Variants in CCDC112 observed in about 807,000 individuals in gnomAD.
CCDC112 encodes the protein coiled-coil domain-containing protein 112.
A neutral mutation model predicts 66.3 loss-of-function variants in CCDC112; 40 were observed. The observed-to-expected ratio is 0.60, with a 90% confidence interval of 0.47 to 0.79. CCDC112 has a LOEUF of 0.79. Ranked by LOEUF, CCDC112 falls within the 30% of genes least tolerant of loss-of-function variation. The pLI is 0.00. For synonymous variants in CCDC112, 214 were observed against 197.2 expected (o/e 1.09, Z -0.71); for missense variants, 659 against 603.8 (o/e 1.09, Z -0.96).
intron 2 of CCDC112, 128 bp from the exon 3 acceptor site, chr5:115,279,896 T>C: frequency 1.7e-6 from 1 of 597,248 alleles, no homozygotes; most frequent in South Asian, 2.5e-5. Flanking sequence ...AAATAATTAC[T>C]TTGGTTAATA....
chr5:115,287,696 C>CTTTT (rs778702533), intron 1 of CCDC112, among the ~76,000 whole-genome samples: 14 of 84,718 alleles, frequency 1.7e-4, no homozygotes, highest in East Asian at 3.7e-4. Context: ...ATCCCCTTTC[C>CTTTT]TTTTTTTTTT....
intron 2 of CCDC112, among the ~76,000 whole-genome samples, chr5:115,283,718 A>G (rs1046990679): frequency 6.6e-6 from 1 of 152,132 alleles, no homozygotes; most frequent in Non-Finnish European, 1.5e-5. Flanking sequence ...TTCTAACAGT[A>G]CACTTTTTCA....
At position 115,279,801 on chromosome 5, in the gene CCDC112, A is replaced by T. The variant is rs1749374728; in HGVS notation, c.240-33T>A. ...AAAAGAAACAAATAGTATAAATATG[A>T]TCTAAATATATTTTTAATAGTTTAA... On this transcript the variant is annotated intron_variant, in intron 2 of 9. Transcript: ENST00000379611. 3 of 1,123,124 alleles carry T rather than the reference A, an allele frequency of 2.7e-6. No individual in the cohort carries two copies. In the African/African-American group the frequency reaches 4.7e-5, roughly 18 times the overall value. 69.6% of individuals were successfully genotyped at this position (1,123,124 alleles called of 1,614,324 possible).
chr5:115,292,318 C>T (rs1424709428), intron 1 of CCDC112, among the ~76,000 whole-genome samples: 2 of 152,104 alleles, frequency 1.3e-5, no homozygotes, highest in African/African-American at 4.8e-5. Context: ...TGAGTTCTTG[C>T]ATTTTTTAAC....
chr5:115,275,483 G>T lies in CCDC112; in HGVS notation c.651C>A (p.Ser217Arg). 6.2e-7 allele frequency: 1 copy of T among 1,613,990 alleles called. No homozygotes were observed. The highest frequency in any genetic ancestry group is 8.5e-7 in the Non-Finnish European group (1 of 1,179,984). ...GTGTTACTTTGTCTACAGGAACTTTGCTTGAGATTGCTCTGAAAGCTTTCT... is the reference window on the plus strand; with the variant it reads ...GTGTTACTTTGTCTACAGGAACTTTTCTTGAGATTGCTCTGAAAGCTTTCT... Reference protein sequence around the residue: ...ETEKAFRAISSKVPVDKVTPS... With the variant: ...ETEKAFRAISRKVPVDKVTPS... Residue 217 changes from serine to arginine, a missense_variant, in exon 6 of 10, where the codon AGC (serine) becomes AGA (arginine). Physicochemically the swap from Ser to Arg is moderately radical, Grantham distance 110 (BLOSUM62 -1). Transcript: ENST00000379611.
At chr5:115,286,128 C>A (rs1192232767) in intron 1 of CCDC112, among the ~76,000 whole-genome samples, 1 of 152,084 alleles carries the variant, frequency 6.6e-6, no homozygotes, top group Non-Finnish European at 1.5e-5. Flanking sequence ...GTTTTGTAAC[C>A]ATCATGACTA....
chr5:115,283,261 A>G (rs1561497505), intron 2 of CCDC112, among the ~76,000 whole-genome samples: 1 of 152,026 alleles, frequency 6.6e-6, no homozygotes, highest in Non-Finnish European at 1.5e-5. Context: ...CCTTTGACCA[A>G]CATCTCCCCA....
At chr5:115,295,327 T>C (rs1233742239) in intron 1 of CCDC112, among the ~76,000 whole-genome samples, 4 of 152,180 alleles carry the variant, frequency 2.6e-5, no homozygotes, top group Admixed American at 1.3e-4. Context: ...GCCAGCAACA[T>C]GGTGTCACAC....
rs1290281704 is a variant in CCDC112 at position 115,276,051 on chromosome 5, T to C, written c.470A>G (p.Glu157Gly). The change falls in exon 5 of 10, where the codon GAA becomes GGA. Residue 157 changes from glutamate (E) to glycine (G), a missense_variant. Coordinates refer to ENST00000379611, the MANE Select transcript of CCDC112 (RefSeq NM_001040440.3). Reference protein sequence around the residue: ...PTPDFVEKLREMMEEIENAIN... With the variant: ...PTPDFVEKLRGMMEEIENAIN... The stretch of plus-strand genomic sequence containing the variant: ...TGCATTTTCAATTTCTTCCATCATT[T>C]CTCTGAGCTTCTCAACAACTGTAAA... The C allele has an allele frequency of 6.2e-7, 1 of 1,605,792 alleles. No individual in the cohort carries two copies. The highest frequency in any genetic ancestry group is 1.7e-5 in the Admixed American group (1 of 58,744).
At chr5:115,286,814 C>A (rs1749694465) in intron 1 of CCDC112, among the ~76,000 whole-genome samples, 1 of 151,990 alleles carries the variant, frequency 6.6e-6, no homozygotes, top group African/African-American at 2.4e-5. Context: ...CCTCAGGAGG[C>A]TGAGGTGGGA....
intron 1 of CCDC112, among the ~76,000 whole-genome samples, chr5:115,288,710 C>T (rs1250799329): frequency 1.3e-5 from 2 of 152,180 alleles, no homozygotes; most frequent in Admixed American, 6.5e-5. Flanking sequence ...CTATGGAATG[C>T]TATGCTGACA....
At chr5:115,271,168 C>T in intron 7 of CCDC112, 45 bp downstream of exon 7, 5 of 1,517,150 alleles carry the variant, frequency 3.3e-6, no homozygotes, top group Non-Finnish European at 3.5e-6. Context: ...AGTAATACCT[C>T]CATGTGTAGC....
intron 1 of CCDC112, among the ~76,000 whole-genome samples, chr5:115,293,006 A>C (rs1749999552): frequency 6.6e-6 from 1 of 152,224 alleles, no homozygotes; most frequent in African/African-American, 2.4e-5. Context: ...GCAGTGGCTT[A>C]AACAACACAC....
chr5:115,271,213 T>C lies in CCDC112; in HGVS notation c.1332A>G (p.Arg444=). The C allele has an allele frequency of 2.5e-6, 4 of 1,576,148 alleles. No individual in the cohort carries two copies. Among genetic ancestry groups the C allele is most frequent in the Non-Finnish European group, 1.7e-6 (2 of 1,169,470 alleles). The change falls in exon 7 of 10, where the codon AGA becomes AGG. Residue 444 remains arginine, a splice_region_variant and synonymous_variant. Coordinates refer to ENST00000379611, the MANE Select transcript of CCDC112 (RefSeq NM_001040440.3). The stretch of plus-strand genomic sequence containing the variant: ...TTATTTAGGAAATAGATTTACTCAC[T>C]CTTTCTTGAAATCTGGAAATTTCAT... ...AADEISRFQE[R]DLHKLELKIL... is the part of the protein sequence containing the mutation.
Position 115,296,478 on chromosome 5 carries a change from C to T in CCDC112, c.66G>A (p.Gly22=), listed in dbSNP as rs376313411. Residue 22 remains glycine, a synonymous_variant, in exon 1 of 10, where the codon GGG becomes GGA. Transcript: ENST00000379611. The stretch of plus-strand genomic sequence containing the variant: ...CGCCGGTCCCGGTGGCCGCGCCCGC[C>T]CCTGCCACAGCCCCGGCTACCGCGG... ...AATAVAGAVA[G]AGAATGTGVG... 7.0e-6 allele frequency: 11 copies of T among 1,568,312 alleles called. No individual in the cohort carries two copies. Among genetic ancestry groups the T allele is most frequent in the Non-Finnish European group, 9.5e-6 (11 of 1,163,800 alleles).
chr5:115,282,346 C>T (rs1749491908), intron 2 of CCDC112, among the ~76,000 whole-genome samples: 1 of 152,130 alleles, frequency 6.6e-6, no homozygotes, highest in Non-Finnish European at 1.5e-5. Context: ...TTTCATCTAT[C>T]CATCTATCTT....
At chr5:115,290,874 GT>G (rs368552311) in intron 1 of CCDC112, among the ~76,000 whole-genome samples, 3 of 151,922 alleles carry the variant, frequency 2.0e-5, no homozygotes. Flanking sequence ...TTTCTAGTAA[GT>G]TTTTTTTGTG....
intron 5 of CCDC112, 38 bp downstream of exon 5, chr5:115,275,952 TAAAG>T: frequency 7.5e-7 from 1 of 1,339,884 alleles, no homozygotes; most frequent in Non-Finnish European, 1.1e-6. Context: ...TATTAAAAAA[TAAAG>T]GTCAATAATT....
chr5:115,284,092 T>C (rs1749570739), intron 2 of CCDC112, among the ~76,000 whole-genome samples: 1 of 151,330 alleles, frequency 6.6e-6, no homozygotes, highest in Admixed American at 6.6e-5. Flanking sequence ...TGAGATCAAT[T>C]AAAAAGCCAC....
Sources: gnomAD v4.1 joint callset for allele counts (sites outside exome capture counted in the v4.1 genomes callset) on GRCh38, gnomAD v4.1.1 for gene constraint, MANE v1.5 for transcripts, NCBI Gene and HGNC (gene_info 2026-07-23, HGNC 2026-07-21) for gene names.